EXOC4: variants seen among roughly 807,000 people sequenced by gnomAD.
The protein encoded by EXOC4 is SEC8-like 1.
Under a neutral mutation model 107.2 loss-of-function variants are expected in EXOC4, and 71 were observed. The ratio of observed to expected loss-of-function variants is 0.66; its 90% CI spans 0.55 to 0.81. EXOC4 has a LOEUF of 0.81. Among genes scored for constraint, EXOC4 ranks in the 30% least tolerant of loss-of-function variants. The pLI is 0.00. For synonymous variants in EXOC4, 456 were observed against 441.2 expected (o/e 1.03, Z -0.42); for missense variants, 1,108 against 1,189.6 (o/e 0.93, Z 1.01).
chr7:133,369,800 C>CTTTTTT (rs35258276), intron 6 of EXOC4, among the ~76,000 whole-genome samples: 51 of 86,646 alleles, frequency 5.9e-4, no homozygotes, highest in Non-Finnish European at 6.8e-4. Flanking sequence ...ACTAGATTTC[C>CTTTTTT]TTTTTTTTTT....
intron 11 of EXOC4, among the ~76,000 whole-genome samples, chr7:133,886,527 C>T (rs1799091230): frequency 6.6e-6 from 1 of 152,046 alleles, no homozygotes; most frequent in African/African-American, 2.4e-5. Context: ...TTTATTACAT[C>T]AACTGTCCTG....
At chr7:133,652,856 C>A (rs1199386428) in intron 10 of EXOC4, among the ~76,000 whole-genome samples, 4 of 152,080 alleles carry the variant, frequency 2.6e-5, no homozygotes, top group African/African-American at 4.8e-5. Context: ...TGGCAATATC[C>A]TAAAAGTTTA....
At chr7:134,074,562 A>G in the EXOC4 span, among the ~76,000 whole-genome samples, 1 of 152,222 alleles carries the variant, frequency 6.6e-6, no homozygotes, top group African/African-American at 2.4e-5. Context: ...CATTTTTCAA[A>G]GGAGCCAGAG....
At chr7:133,270,063 T>G (rs977405549) in intron 1 of EXOC4, among the ~76,000 whole-genome samples, 1 of 152,126 alleles carries the variant, frequency 6.6e-6, no homozygotes, top group Non-Finnish European at 1.5e-5. Flanking sequence ...GGTGGGTCTC[T>G]CCTGCGCTGC....
chr7:133,445,670 CT>C (rs1798203863), intron 7 of EXOC4, among the ~76,000 whole-genome samples: 2 of 151,938 alleles, frequency 1.3e-5, no homozygotes, highest in Non-Finnish European at 2.9e-5. Flanking sequence ...CCTGGTAATT[CT>C]AATGTGCAGC....
chr7:133,533,571 T>A (rs1563099375), intron 9 of EXOC4, among the ~76,000 whole-genome samples: 1 of 152,128 alleles, frequency 6.6e-6, no homozygotes, highest in Non-Finnish European at 1.5e-5. Flanking sequence ...GACATTGGTA[T>A]TGTACGCTAT....
Position 133,317,310 on chromosome 7 carries a change from C to T in EXOC4, c.683C>T (p.Pro228Leu). Reference sequence around the variant, plus strand: ...TCCCTCGTGAAAGATGCTTCTGTTCCTCTGATTGATGTTACAAACCTCCCT... The same window carrying T: ...TCCCTCGTGAAAGATGCTTCTGTTCTTCTGATTGATGTTACAAACCTCCCT... Reference protein sequence around the residue: ...ISSLVKDASVPLIDVTNLPTP... With the variant: ...ISSLVKDASVLLIDVTNLPTP... The change falls in exon 5 of 18, where the codon CCT (proline) becomes CTT (leucine). Residue 228 changes from proline (P) to leucine (L), a missense_variant. By Grantham distance (98) the Pro-to-Leu change is moderately conservative (BLOSUM62 -3). Transcript: ENST00000253861. The T allele has an allele frequency of 1.2e-6, 2 of 1,613,474 alleles. No homozygotes were observed.
chr7:133,850,392 T>C (rs917957208), intron 11 of EXOC4, among the ~76,000 whole-genome samples: 1 of 152,128 alleles, frequency 6.6e-6, no homozygotes, highest in African/African-American at 2.4e-5. Flanking sequence ...CATTTCCAAG[T>C]AGGTTTGGAA....
chr7:133,512,722 G>A (rs1426699567), intron 9 of EXOC4, among the ~76,000 whole-genome samples: 1 of 152,176 alleles, frequency 6.6e-6, no homozygotes, highest in Non-Finnish European at 1.5e-5. Flanking sequence ...TCTGCGCTGT[G>A]GTTAAGCGTG....
chr7:133,860,548 C>T (rs1373040334), intron 11 of EXOC4, among the ~76,000 whole-genome samples: 1 of 152,150 alleles, frequency 6.6e-6, no homozygotes, highest in African/African-American at 2.4e-5. Context: ...CTTACAGCTG[C>T]TTTGTGACTT....
chr7:133,934,022 CA>C (rs1469549756), intron 13 of EXOC4, among the ~76,000 whole-genome samples: 2 of 152,160 alleles, frequency 1.3e-5, no homozygotes, highest in African/African-American at 4.8e-5. Context: ...TAATATCATA[CA>C]GTACCTATAG....
At chr7:133,969,329 A>G (rs1247245700) in intron 14 of EXOC4, among the ~76,000 whole-genome samples, 2 of 152,136 alleles carry the variant, frequency 1.3e-5, no homozygotes, top group Admixed American at 1.3e-4. Context: ...CACCTTCTGA[A>G]GCCTACTTCT....
chr7:133,528,350 T>C (rs543196420), intron 9 of EXOC4, among the ~76,000 whole-genome samples: 1 of 152,306 alleles, frequency 6.6e-6, no homozygotes, highest in African/African-American at 2.4e-5. Flanking sequence ...GAGATGTTAA[T>C]ATTTTTAATT....
chr7:133,382,953 C>T (rs1017473322), intron 7 of EXOC4, among the ~76,000 whole-genome samples: 2 of 152,136 alleles, frequency 1.3e-5, no homozygotes, highest in South Asian at 2.1e-4. Flanking sequence ...ATCATAGTAA[C>T]GGGGTGTTAT....
intron 10 of EXOC4, among the ~76,000 whole-genome samples, chr7:133,656,337 G>T (rs1391500731): frequency 6.6e-6 from 1 of 151,874 alleles, no homozygotes. Flanking sequence ...AATATTGGAA[G>T]AAATAGAAAA....
chr7:133,388,418 G>A (rs1796776579), intron 7 of EXOC4, among the ~76,000 whole-genome samples: 1 of 152,126 alleles, frequency 6.6e-6, no homozygotes, highest in African/African-American at 2.4e-5. Flanking sequence ...GGGAGGCCGG[G>A]GTGGGCAGAT....
chr7:133,630,022 G>T (rs1035565772), intron 9 of EXOC4, 23 bp from the exon 10 acceptor site: 5 of 1,567,930 alleles, frequency 3.2e-6, no homozygotes, highest in Non-Finnish European at 4.4e-6. Context: ...AGCTAAGTCT[G>T]TTTTTTTTCT....
chr7:133,941,061 G>T (rs552588825), intron 14 of EXOC4, among the ~76,000 whole-genome samples: 2 of 150,874 alleles, frequency 1.3e-5, no homozygotes, highest in South Asian at 2.1e-4. Flanking sequence ...GCAGTGGCGC[G>T]ATCTCGGCTC....
intron 9 of EXOC4, among the ~76,000 whole-genome samples, chr7:133,537,452 C>G (rs1397620104): frequency 6.6e-6 from 1 of 152,162 alleles, no homozygotes; most frequent in Non-Finnish European, 1.5e-5. Flanking sequence ...AGCCACCACG[C>G]CCGGCCTAAT....
Sources: allele counts gnomAD v4.1 joint callset (sites outside exome capture counted in the v4.1 genomes callset), GRCh38; gene constraint gnomAD v4.1.1; transcripts MANE v1.5; gene names NCBI Gene and HGNC (gene_info 2026-07-23, HGNC 2026-07-21).